CSMD1: variants seen among roughly 807,000 people sequenced by gnomAD.
CSMD1 encodes the protein CUB and sushi domain-containing protein 1.
In CSMD1, 213 loss-of-function variants were observed where a neutral mutation model predicts 417.5. The observed-to-expected ratio is 0.51, with a 90% CI of 0.46 to 0.57. The LOEUF (loss-of-function observed/expected upper bound fraction) is 0.57, where lower values mean the gene tolerates loss of function less well. Among genes scored for constraint, CSMD1 ranks in the 20% least tolerant of loss-of-function variants. The pLI is 0.00. For missense variants in CSMD1, 6,923 were observed against 4,529.7 expected (o/e 1.53, Z -15.17); for synonymous variants, 2,862 against 1,736.8 (o/e 1.65, Z -16.11).
At chr8:3,737,598 G>A (rs13276152) in intron 6 of CSMD1, among the ~76,000 whole-genome samples, 49,030 of 151,944 alleles carry the variant, frequency 0.32, 8,122 homozygotes, top group Admixed American at 0.37. Flanking sequence ...ACACTGTCAA[G>A]AGAGATCACC....
At chr8:4,442,802 T>C (rs1798560429) in intron 2 of CSMD1, among the ~76,000 whole-genome samples, 1 of 152,220 alleles carries the variant, frequency 6.6e-6, no homozygotes, top group South Asian at 2.1e-4. Flanking sequence ...ATTTTTAAAA[T>C]TTGATTTCTA....
chr8:3,979,012 G>A (rs1327263321), intron 5 of CSMD1, among the ~76,000 whole-genome samples: 2 of 152,166 alleles, frequency 1.3e-5, no homozygotes, highest in Non-Finnish European at 2.9e-5. Flanking sequence ...ATCAGAAAAA[G>A]AACAAAGATG....
intron 5 of CSMD1, among the ~76,000 whole-genome samples, chr8:3,817,127 T>C (rs939112771): frequency 6.6e-6 from 1 of 151,936 alleles, no homozygotes; most frequent in Non-Finnish European, 1.5e-5. Context: ...GAGAGAGCTC[T>C]TCATGATGAA....
intron 1 of CSMD1, among the ~76,000 whole-genome samples, chr8:4,783,636 C>A (rs1016029595): frequency 1.3e-5 from 2 of 152,226 alleles, no homozygotes; most frequent in Non-Finnish European, 2.9e-5. Flanking sequence ...TGGCCTCCTG[C>A]TCCAGGGAGC....
chr8:3,013,846 A>C (rs1402461679), intron 52 of CSMD1, among the ~76,000 whole-genome samples: 1 of 152,126 alleles, frequency 6.6e-6, no homozygotes, highest in African/African-American at 2.4e-5. Context: ...CACTTAAACT[A>C]TTAAAAAACT....
In CSMD1 at chr8:4,019,150, A is replaced by C. The variant is rs111533641; in HGVS notation, c.610+12755T>G. ...ATGGTATCGTAAGACTTAAAGAAAA[A>C]GGAAAGAAACACAAAAAGCAGCTCA... On this transcript the variant is annotated intron_variant, in intron 4 of 69. Coordinates refer to ENST00000635120, the MANE Select transcript of CSMD1 (RefSeq NM_033225.6). 2.9e-3 allele frequency among the ~76,000 whole-genome samples: 447 copies of C among 152,300 alleles called. 1 individual carries two copies. The highest frequency in any genetic ancestry group is 0.01 in the African/African-American group (424 of 41,564).
chr8:4,327,238 G>C (rs751139334), intron 3 of CSMD1, among the ~76,000 whole-genome samples: 1 of 152,158 alleles, frequency 6.6e-6, no homozygotes, highest in Admixed American at 6.5e-5. Flanking sequence ...GTTTTCATTA[G>C]TGTTTAATAC....
At chr8:3,979,553 C>G (rs1585069494) in intron 5 of CSMD1, among the ~76,000 whole-genome samples, 1 of 152,162 alleles carries the variant, frequency 6.6e-6, no homozygotes, top group East Asian at 1.9e-4. Context: ...GAGCTCAGGC[C>G]TTTGGAAAAC....
At chr8:4,585,276 T>A (rs891051208) in intron 2 of CSMD1, among the ~76,000 whole-genome samples, 4 of 152,064 alleles carry the variant, frequency 2.6e-5, no homozygotes, top group Admixed American at 6.5e-5. Flanking sequence ...ATTCTGCAGT[T>A]GAAATAGGCA....
At chr8:4,012,577 C>G (rs1796320684) in intron 4 of CSMD1, among the ~76,000 whole-genome samples, 1 of 152,052 alleles carries the variant, frequency 6.6e-6, no homozygotes, top group East Asian at 1.9e-4. Context: ...TCACCACCTC[C>G]TTCCTCCCCT....
At chr8:4,064,743 C>G (rs1799156771) in intron 3 of CSMD1, among the ~76,000 whole-genome samples, 1 of 152,198 alleles carries the variant, frequency 6.6e-6, no homozygotes, top group Admixed American at 6.5e-5. Context: ...CAACCGAGAT[C>G]TCTCAGTACT....
intron 4 of CSMD1, among the ~76,000 whole-genome samples, chr8:4,002,822 T>C (rs998540943): frequency 1.4e-4 from 22 of 152,302 alleles, no homozygotes; most frequent in African/African-American, 5.3e-4. Context: ...AATTCCCTCA[T>C]ACAAAATACC....
chr8:3,267,345 G>T (rs183488899), intron 26 of CSMD1, among the ~76,000 whole-genome samples: 4 of 152,346 alleles, frequency 2.6e-5, no homozygotes, highest in African/African-American at 9.6e-5. Context: ...TATCGCGTAC[G>T]AAAGGGGTGT....
intron 5 of CSMD1, among the ~76,000 whole-genome samples, chr8:3,951,016 A>G (rs1811561776): frequency 6.6e-6 from 1 of 152,256 alleles, no homozygotes; most frequent in Non-Finnish European, 1.5e-5. Context: ...CCCGTTTCTG[A>G]TCTACAAAAG....
intron 29 of CSMD1, among the ~76,000 whole-genome samples, chr8:3,218,814 G>C (rs1250601185): frequency 6.6e-6 from 1 of 152,040 alleles, no homozygotes; most frequent in East Asian, 1.9e-4. Context: ...GGAGGTTGCA[G>C]CGAGCTGACA....
intron 51 of CSMD1, among the ~76,000 whole-genome samples, chr8:3,025,380 G>A (rs1314753269): frequency 6.6e-6 from 1 of 151,674 alleles, no homozygotes; most frequent in Non-Finnish European, 1.5e-5. Context: ...TTCTGAAACT[G>A]TGTATTGTGT....
At chr8:3,691,772 A>G (rs1360668656) in intron 7 of CSMD1, among the ~76,000 whole-genome samples, 1 of 129,776 alleles carries the variant, frequency 7.7e-6, no homozygotes, top group Non-Finnish European at 1.8e-5. Flanking sequence ...CATTTTTTAC[A>G]CATTTATTTC....
chr8:2,974,105 G>GTAGAGGATGATGT (rs1804709425), intron 56 of CSMD1, among the ~76,000 whole-genome samples: 7 of 151,926 alleles, frequency 4.6e-5, no homozygotes, highest in Non-Finnish European at 1.0e-4. Flanking sequence ...GAGGATGATG[G>GTAGAGGATGATGT]TAGAGGATGA....
chr8:4,810,366 T>A (rs746109299), intron 1 of CSMD1, among the ~76,000 whole-genome samples: 2 of 152,240 alleles, frequency 1.3e-5, no homozygotes, highest in South Asian at 4.1e-4. Flanking sequence ...TTTTTGACTT[T>A]TGATAATTTA....
Sources: gnomAD v4.1 joint callset for allele counts (sites outside exome capture counted in the v4.1 genomes callset) on GRCh38, gnomAD v4.1.1 for gene constraint, MANE v1.5 for transcripts, NCBI Gene and HGNC (gene_info 2026-07-23, HGNC 2026-07-21) for gene names.